Variants in GMDS observed in about 807,000 individuals in gnomAD.
The protein encoded by GMDS is GDP-mannose 4,6-dehydratase.
A neutral mutation model predicts 49.9 loss-of-function variants in GMDS; 20 were observed. The observed-to-expected ratio is 0.40, with a 90% confidence interval of 0.28 to 0.58. The LOEUF (loss-of-function observed/expected upper bound fraction) is 0.58. Among genes scored for constraint, GMDS ranks in the 20% least tolerant of loss-of-function variants. GMDS has a pLI of 0.42. For synonymous variants in GMDS, 177 were observed against 178.6 expected (o/e 0.99, Z 0.07); for missense variants, 362 against 481.4 (o/e 0.75, Z 2.32).
intron 7 of GMDS, among the ~76,000 whole-genome samples, chr6:1,863,807 A>G (rs1758312379): frequency 6.6e-6 from 1 of 152,202 alleles, no homozygotes; most frequent in Non-Finnish European, 1.5e-5. Flanking sequence ...TCTCACATAC[A>G]TGTACATTTC....
intron 9 of GMDS, among the ~76,000 whole-genome samples, chr6:1,703,772 G>A (rs1350235970): frequency 1.3e-5 from 2 of 152,230 alleles, no homozygotes; most frequent in South Asian, 2.1e-4. Flanking sequence ...GGCTTGGTTC[G>A]CACTCAGCTC....
intron 6 of GMDS, among the ~76,000 whole-genome samples, chr6:1,944,230 G>T (rs1343743597): frequency 1.3e-5 from 2 of 152,168 alleles, no homozygotes; most frequent in African/African-American, 4.8e-5. Context: ...CACTCAGCTG[G>T]GCGTTGGGGC....
intron 7 of GMDS, among the ~76,000 whole-genome samples, chr6:1,818,835 G>T (rs991478346): frequency 3.3e-5 from 5 of 151,820 alleles, no homozygotes; most frequent in Admixed American, 3.3e-4. Flanking sequence ...TAAACTCCAG[G>T]TCCACTATTT....
intron 9 of GMDS, among the ~76,000 whole-genome samples, chr6:1,661,292 A>G (rs1217626129): frequency 6.6e-6 from 1 of 152,192 alleles, no homozygotes; most frequent in African/African-American, 2.4e-5. Context: ...CCTAGTTGTA[A>G]TCAGTGAGTG....
intron 9 of GMDS, among the ~76,000 whole-genome samples, chr6:1,674,463 T>G (rs987361171): frequency 6.6e-6 from 1 of 152,088 alleles, no homozygotes; most frequent in African/African-American, 2.4e-5. Flanking sequence ...CAGTCTTGAC[T>G]TGTCTACTTG....
At chr6:1,764,746 A>G (rs1410741642) in intron 7 of GMDS, among the ~76,000 whole-genome samples, 1 of 152,226 alleles carries the variant, frequency 6.6e-6, no homozygotes, top group African/African-American at 2.4e-5. Flanking sequence ...TTGAAAGATG[A>G]GTTTTAGAAC....
chr6:2,114,848 T>C (rs1774752473), intron 4 of GMDS, among the ~76,000 whole-genome samples: 1 of 152,146 alleles, frequency 6.6e-6, no homozygotes, highest in South Asian at 2.1e-4. Flanking sequence ...GAATAGGCAT[T>C]TAGCTTCCAT....
intron 7 of GMDS, among the ~76,000 whole-genome samples, chr6:1,896,362 T>C (rs1231147670): frequency 1.3e-5 from 2 of 152,168 alleles, no homozygotes; most frequent in East Asian, 1.9e-4. Flanking sequence ...CTCCATAACA[T>C]TCTTGAGGAA....
In GMDS at chr6:1,901,793, C is replaced by T. The variant is rs116252226; in HGVS notation, c.771+28310G>A. ...CCTATGTGCTTGTTACTAAGTTAGACGCTGAAGAAACAAAATGAAACATGC... is the reference window on the plus strand; with the variant it reads ...CCTATGTGCTTGTTACTAAGTTAGATGCTGAAGAAACAAAATGAAACATGC... On this transcript the variant is annotated intron_variant, in intron 7 of 10. Transcript: ENST00000380815. 5.1e-3 allele frequency among the ~76,000 whole-genome samples: 779 copies of T among 152,258 alleles called. 9 individuals are homozygous for T. The highest frequency in any genetic ancestry group is 0.017 in the African/African-American group (727 of 41,548).
At chr6:2,210,727 G>A (rs1371272556) in intron 1 of GMDS, among the ~76,000 whole-genome samples, 1 of 152,058 alleles carries the variant, frequency 6.6e-6, no homozygotes, top group East Asian at 1.9e-4. Context: ...ACGGCACCTG[G>A]AGGGTCTACA....
chr6:1,802,095 T>C (rs1204623744), intron 7 of GMDS, among the ~76,000 whole-genome samples: 2 of 152,220 alleles, frequency 1.3e-5, no homozygotes, highest in Admixed American at 6.5e-5. Flanking sequence ...AAAACGGAGA[T>C]GCAGTACCAC....
intron 9 of GMDS, among the ~76,000 whole-genome samples, chr6:1,649,753 GAA>G: frequency 1.3e-5 from 2 of 152,288 alleles, no homozygotes; most frequent in Non-Finnish European, 2.9e-5. Context: ...TAGTTTTAAA[GAA>G]AGTTTATTGC....
chr6:2,168,399 A>C (rs1397728156), intron 1 of GMDS, among the ~76,000 whole-genome samples: 1 of 152,228 alleles, frequency 6.6e-6, no homozygotes, highest in Non-Finnish European at 1.5e-5. Flanking sequence ...AGCAAAGCAA[A>C]AGGTCACTTC....
chr6:1,818,135 C>G (rs868160442), intron 7 of GMDS, among the ~76,000 whole-genome samples: 1 of 152,116 alleles, frequency 6.6e-6, no homozygotes, highest in East Asian at 1.9e-4. Context: ...TATGGTATGA[C>G]GACAGGTATA....
chr6:1,886,379 G>A (rs946955547), intron 7 of GMDS, among the ~76,000 whole-genome samples: 3 of 152,056 alleles, frequency 2.0e-5, no homozygotes, highest in Non-Finnish European at 4.4e-5. Flanking sequence ...TATCATAGAT[G>A]GAAATAAAAC....
chr6:1,982,056 G>A (rs547329994), intron 4 of GMDS, among the ~76,000 whole-genome samples: 5 of 152,228 alleles, frequency 3.3e-5, no homozygotes, highest in Non-Finnish European at 5.9e-5. Context: ...TGTAATCCAG[G>A]CACTTTGGGA....
At chr6:2,119,034 T>G (rs1158898426) in intron 2 of GMDS, among the ~76,000 whole-genome samples, 2 of 152,180 alleles carry the variant, frequency 1.3e-5, no homozygotes, top group Non-Finnish European at 2.9e-5. Flanking sequence ...TCAAAGTTAC[T>G]TATGAAATAG....
intron 1 of GMDS, among the ~76,000 whole-genome samples, chr6:2,133,357 A>G (rs575865083): frequency 9.1e-4 from 138 of 152,360 alleles, no homozygotes; most frequent in Middle Eastern, 3.4e-3. Context: ...GGCTTTAAAA[A>G]GGTCATAAGA....
At chr6:2,102,957 A>G (rs1562056497) in intron 4 of GMDS, among the ~76,000 whole-genome samples, 1 of 152,266 alleles carries the variant, frequency 6.6e-6, no homozygotes, top group Non-Finnish European at 1.5e-5. Context: ...CACAGATAAT[A>G]TCTGTGCATA....
Sources: allele counts gnomAD v4.1 joint callset (sites outside exome capture counted in the v4.1 genomes callset), GRCh38; gene constraint gnomAD v4.1.1; transcripts MANE v1.5; gene names NCBI Gene and HGNC (gene_info 2026-07-23, HGNC 2026-07-21).